Variants in RBFOX1 observed in about 807,000 individuals in gnomAD.
The protein encoded by RBFOX1 is RNA binding protein fox-1 homolog 1.
A neutral mutation model predicts 57.7 loss-of-function variants in RBFOX1; 8 were observed. The ratio of observed to expected loss-of-function variants is 0.14; its 90% CI spans 0.08 to 0.25. The LOEUF (loss-of-function observed/expected upper bound fraction) is 0.25. RBFOX1 is among the 10% of genes least tolerant of loss of function. RBFOX1 has a pLI of 1.00. For missense variants in RBFOX1, 611 were observed against 548.5 expected (o/e 1.11, Z -1.14); for synonymous variants, 326 against 222.4 (o/e 1.47, Z -4.15).
intron 2 of RBFOX1, among the ~76,000 whole-genome samples, chr16:5,595,805 G>A (rs1325245997): frequency 1.3e-5 from 2 of 152,150 alleles, no homozygotes; most frequent in African/African-American, 4.8e-5. Flanking sequence ...CACGGGATTG[G>A]GCACAGAGCT....
rs552911806 is a variant in RBFOX1, at chr16:6,919,346, C to G, written c.-15-132711C>G. On this transcript the variant is annotated intron_variant, in intron 3 of 15. Transcript: ENST00000550418. Reference sequence around the variant, plus strand: ...ATCCTGTTTACATGTATTAATTTCTCCAAATTAATTCCTCACAACAGCCCA... The same window carrying G: ...ATCCTGTTTACATGTATTAATTTCTGCAAATTAATTCCTCACAACAGCCCA... 5.3e-5 allele frequency among the ~76,000 whole-genome samples: 8 copies of G among 152,210 alleles called. No homozygotes were observed. In the East Asian group the frequency reaches 9.6e-4, roughly 18 times the overall value.
chr16:7,581,564 A>C lies in RBFOX1; in HGVS notation c.414+1644A>C, dbSNP rs537747409. Among the ~76,000 whole-genome samples, 3 of 152,306 alleles carry C rather than the reference A, an allele frequency of 2.0e-5. No homozygotes were observed. The South Asian group carries it at 6.2e-4, about 32-fold the overall frequency. ...GAAAGTTACTGCAGGCTACAATGCTAAGTCATAGAGGTATTCAAAATATTC... is the reference window on the plus strand; with the variant it reads ...GAAAGTTACTGCAGGCTACAATGCTCAGTCATAGAGGTATTCAAAATATTC... On this transcript the variant is annotated intron_variant, in intron 6 of 15. Coordinates refer to ENST00000550418, the MANE Select transcript of RBFOX1 (RefSeq NM_018723.4).
chr16:5,419,870 A>G (rs1596978315), intron 1 of RBFOX1, among the ~76,000 whole-genome samples: 1 of 151,924 alleles, frequency 6.6e-6, no homozygotes, highest in African/African-American at 2.4e-5. Flanking sequence ...GCAGAGAGGG[A>G]CCCTGGGTGA....
chr16:6,685,157 C>T (rs1377555991), intron 3 of RBFOX1, among the ~76,000 whole-genome samples: 1 of 152,098 alleles, frequency 6.6e-6, no homozygotes, highest in Non-Finnish European at 1.5e-5. Context: ...ATATTCCATT[C>T]CTTTTCTTTA....
intron 1 of RBFOX1, among the ~76,000 whole-genome samples, chr16:5,392,141 G>A (rs553722533): frequency 1.3e-5 from 2 of 151,998 alleles, no homozygotes; most frequent in East Asian, 1.9e-4. Context: ...GGAAAGGATG[G>A]GAGGAGGATG....
chr16:6,408,588 G>C (rs1446780268), intron 2 of RBFOX1, among the ~76,000 whole-genome samples: 1 of 152,126 alleles, frequency 6.6e-6, no homozygotes, highest in Non-Finnish European at 1.5e-5. Context: ...GAGCTTATTA[G>C]AGTGTCTATG....
chr16:6,016,235 C>T (rs1052301495), upstream of RBFOX1, among the ~76,000 whole-genome samples: 1 of 152,084 alleles, frequency 6.6e-6, no homozygotes, highest in Non-Finnish European at 1.5e-5. Context: ...TAGAGGAGTT[C>T]GCAAGAACAC....
chr16:6,268,395 A>G (rs2074797565), intron 1 of RBFOX1, among the ~76,000 whole-genome samples: 2 of 152,174 alleles, frequency 1.3e-5, no homozygotes, highest in Admixed American at 1.3e-4. Context: ...GGTATGAAGC[A>G]CAGCTTGTGA....
chr16:5,771,206 C>A (rs1456549652), intron 3 of RBFOX1, among the ~76,000 whole-genome samples: 2 of 152,232 alleles, frequency 1.3e-5, no homozygotes, highest in Admixed American at 1.3e-4. Context: ...AGGCAGATAG[C>A]ATTTGTGGAC....
Position 7,139,176 on chromosome 16 carries a change from C to CTCTCTCTCTCTCTCTCTGTGTGTG in RBFOX1, c.27+87079_27+87080insCTCTCTCTCTCTCTCTGTGTGTGT, listed in dbSNP as rs372381673. Among the ~76,000 whole-genome samples the CTCTCTCTCTCTCTCTCTGTGTGTG allele has an allele frequency of 3.4e-4, 50 of 145,900 alleles. 1 individual carries two copies. Among genetic ancestry groups the CTCTCTCTCTCTCTCTCTGTGTGTG allele is most frequent in the South Asian group, 6.8e-4 (3 of 4,438 alleles). On this transcript the variant is annotated intron_variant, in intron 4 of 15. Transcript: ENST00000550418. Reference sequence around the variant, plus strand: ...TAATGCAGATGAAATCAATCTCTCTCTGTGTGTGTGTGTGTGTGTGTATGT... The same window carrying CTCTCTCTCTCTCTCTCTGTGTGTG: ...TAATGCAGATGAAATCAATCTCTCTCTCTCTCTCTCTCTCTCTGTGTGTGTGTGTGTGTGTGTGTGTGTGTATGT...
chr16:7,523,690 C>T (rs538549507), intron 5 of RBFOX1, among the ~76,000 whole-genome samples: 6 of 152,108 alleles, frequency 3.9e-5, no homozygotes, highest in Non-Finnish European at 5.9e-5. Context: ...AGTTTTAAGA[C>T]TTATATTCTG....
intron 4 of RBFOX1, among the ~76,000 whole-genome samples, chr16:7,458,543 A>G (rs1171422765): frequency 2.6e-5 from 4 of 152,224 alleles, no homozygotes; most frequent in African/African-American, 9.6e-5. Flanking sequence ...AAGGAAAAAA[A>G]CATTGACTTC....
chr16:6,419,961 C>T (rs1479430055), intron 2 of RBFOX1, among the ~76,000 whole-genome samples: 1 of 152,132 alleles, frequency 6.6e-6, no homozygotes, highest in Non-Finnish European at 1.5e-5. Context: ...CCATCCCTTC[C>T]CTTCTGGCCT....
intron 2 of RBFOX1, among the ~76,000 whole-genome samples, chr16:6,371,260 A>G (rs1179306555): frequency 1.3e-5 from 2 of 152,194 alleles, no homozygotes; most frequent in Admixed American, 1.3e-4. Context: ...CCATTCATTG[A>G]TGATTCTTGT....
intron 2 of RBFOX1, among the ~76,000 whole-genome samples, chr16:6,355,852 A>G (rs1457065578): frequency 6.6e-6 from 1 of 152,172 alleles, no homozygotes; most frequent in African/African-American, 2.4e-5. Context: ...TTCAACTAGA[A>G]GTTGGTATAT....
intron 3 of RBFOX1, among the ~76,000 whole-genome samples, chr16:6,659,528 C>T (rs2076234504): frequency 6.6e-6 from 1 of 152,094 alleles, no homozygotes; most frequent in Non-Finnish European, 1.5e-5. Flanking sequence ...CCATCATTTT[C>T]CCTGTTTTAC....
chr16:5,320,921 C>G lies in RBFOX1; in HGVS notation c.219+80816C>G, dbSNP rs115206472. ...TGTTGCCCCAGGGGCGGCCCTGCCT[C>G]TGGCTGACCCTGGCTGTGGGCTGCC... On this transcript the variant is annotated intron_variant, in intron 1 of 2. Transcript: ENST00000585867. Among the ~76,000 whole-genome samples the G allele has an allele frequency of 7.8e-3, 1,188 of 152,310 alleles. 17 individuals are homozygous for G. The highest frequency in any genetic ancestry group is 0.027 in the African/African-American group (1,132 of 41,576).
intron 3 of RBFOX1, chr16:5,838,512 A>T (rs1360793890): frequency 2.6e-5 from 4 of 155,780 alleles, no homozygotes; most frequent in Non-Finnish European, 4.3e-5. Flanking sequence ...CGGGAACGGG[A>T]AACTTGCTAT....
At chr16:7,292,750 T>G (rs188706099) in intron 4 of RBFOX1, among the ~76,000 whole-genome samples, 17 of 152,022 alleles carry the variant, frequency 1.1e-4, no homozygotes, top group Non-Finnish European at 2.1e-4. Context: ...TCTACTGAAA[T>G]AGTCTTGAAT....
Sources: allele counts gnomAD v4.1 joint callset (sites outside exome capture counted in the v4.1 genomes callset), GRCh38; gene constraint gnomAD v4.1.1; transcripts MANE v1.5; gene names NCBI Gene and HGNC (gene_info 2026-07-23, HGNC 2026-07-21).